Variants in IZUMO2 observed in about 807,000 individuals in gnomAD.
The protein encoded by IZUMO2 is IZUMO family member 2.
IZUMO2 carries 24 observed loss-of-function variants against 31.2 expected under a neutral mutation model. The observed-to-expected ratio is 0.77, with a 90% CI of 0.56 to 1.08. The LOEUF (loss-of-function observed/expected upper bound fraction) is 1.08, where lower values mean the gene tolerates loss of function less well. Among genes scored for constraint, IZUMO2 ranks in the 50% least tolerant of loss-of-function variants. The probability of loss-of-function intolerance (pLI) is 0.00; values close to 1 mark genes in which losing one functional copy is unlikely to be tolerated. For missense variants in IZUMO2, 278 were observed against 274.0 expected (o/e 1.01, Z -0.10); for synonymous variants, 144 against 117.3 (o/e 1.23, Z -1.47).
At chr19:50,156,602 G>GAA (rs779522510) in intron 5 of IZUMO2, among the ~76,000 whole-genome samples, 2 of 145,078 alleles carry the variant, frequency 1.4e-5, no homozygotes, top group Non-Finnish European at 3.0e-5. Flanking sequence ...GTCATGGAGG[G>GAA]AAAAAAAAAA....
intron 6 of IZUMO2, among the ~76,000 whole-genome samples, 177 bp from the exon 7 acceptor site, chr19:50,152,828 TGAGGAGA>T (rs2030074216): frequency 6.6e-6 from 1 of 151,448 alleles, no homozygotes; most frequent in Non-Finnish European, 1.5e-5. Flanking sequence ...CCGGAGTTGG[TGAGGAGA>T]GAGGAGAGAA....
chr19:50,154,302 TAAG>T (rs2030137745), intron 6 of IZUMO2, among the ~76,000 whole-genome samples: 1 of 110,196 alleles, frequency 9.1e-6, no homozygotes, highest in African/African-American at 3.6e-5. Flanking sequence ...TTTTTTAATG[TAAG>T]AAGAGGCCCA....
At chr19:50,157,302 CT>C (rs59138628) in intron 5 of IZUMO2, among the ~76,000 whole-genome samples, 94,929 of 108,744 alleles carry the variant, frequency 0.87, 41,095 homozygotes, top group South Asian at 0.94. Flanking sequence ...ATTCATTATA[CT>C]TTTTTTTTTT....
At chr19:50,159,109 G>T in intron 4 of IZUMO2, 121 bp downstream of exon 4, 1 of 931,564 alleles carries the variant, frequency 1.1e-6, no homozygotes, top group Non-Finnish European at 1.7e-6. Context: ...TAGGTACCAT[G>T]GCTTTGGGGT....
At chr19:50,162,469 G>T (rs979042247) in intron 2 of IZUMO2, among the ~76,000 whole-genome samples, 2 of 151,924 alleles carry the variant, frequency 1.3e-5, no homozygotes, top group African/African-American at 4.8e-5. Flanking sequence ...TAGAAAATTA[G>T]CCAGGTGTGG....
rs373576958 is a variant in IZUMO2, at chr19:50,163,126, C to T, written c.69G>A (p.Gln23=). ...GGGCCTCCAGCACCAAGGGGTCGCA[C>T]TGCAGGCAGCCCCAGCCTCCGGGGG... The part of the protein sequence containing the change: ...LGAPGGWGCL[Q]CDPLVLEALG... The change falls in exon 1 of 7, where the codon CAG becomes CAA. Residue 23 remains glutamine (Q), a synonymous_variant. Coordinates refer to ENST00000293405, the MANE Select transcript of IZUMO2 (RefSeq NM_152358.3). 351 of 1,600,138 alleles carry T rather than the reference C, an allele frequency of 2.2e-4. 3 individuals carry two copies. In the South Asian group the frequency reaches 3.6e-3, roughly 16 times the overall value.
At position 50,158,344 on chromosome 19, in the gene IZUMO2, C is replaced by T. The variant is rs1360242719; in HGVS notation, c.420G>A (p.Leu140=). ...AACAGTCCAACACCTCTTCTTTTAG[C>T]AAGCCTAGGCAAGGGGAAAGGGAGA... ...LKACNPKLCR[L]LKEEVLDCLH... The change falls in exon 5 of 7, where the codon TTG becomes TTA. Residue 140 remains leucine (L), a synonymous_variant. Coordinates refer to ENST00000293405, the MANE Select transcript of IZUMO2 (RefSeq NM_152358.3). 1.2e-6 allele frequency: 2 copies of T among 1,604,706 alleles called. No individual in the cohort carries two copies. The highest frequency in any genetic ancestry group is 1.7e-5 in the Admixed American group (1 of 59,576).
At chr19:50,159,338 T>A in intron 3 of IZUMO2, 88 bp from the exon 4 acceptor site, 1 of 1,446,514 alleles carries the variant, frequency 6.9e-7, no homozygotes, top group Non-Finnish European at 9.6e-7. Context: ...AGGTAAGGGG[T>A]GAGGCTGGGA....
intron 5 of IZUMO2, among the ~76,000 whole-genome samples, chr19:50,156,085 A>G (rs760389829): frequency 6.6e-6 from 1 of 152,162 alleles, no homozygotes; most frequent in Non-Finnish European, 1.5e-5. Context: ...TCCCCCAGGC[A>G]CTATCTACCA....
chr19:50,154,658 A>G lies in IZUMO2; in HGVS notation c.565T>C (p.Leu189=), dbSNP rs184007409. The G allele has an allele frequency of 1.0e-4, 162 of 1,614,030 alleles. No homozygotes were observed. In the African/African-American group the frequency reaches 1.9e-3, roughly 19 times the overall value. The change falls in exon 6 of 7, where the codon TTG becomes CTG. Residue 189 remains leucine, a synonymous_variant. Coordinates refer to ENST00000293405, the MANE Select transcript of IZUMO2 (RefSeq NM_152358.3). Reference sequence around the variant, plus strand: ...AGAGACACAGAAATGAGGATGCCCAACAGCGCCTGGTTCCTCGGGTATTTG... The same window carrying G: ...AGAGACACAGAAATGAGGATGCCCAGCAGCGCCTGGTTCCTCGGGTATTTG... ...DSKYPRNQAL[L]GILISVSLAV...
chr19:50,160,956 G>A (rs1326346109), intron 2 of IZUMO2, among the ~76,000 whole-genome samples: 1 of 152,034 alleles, frequency 6.6e-6, no homozygotes, highest in Admixed American at 6.6e-5. Flanking sequence ...CCAATTGGAT[G>A]TCTAAGAGGC....
At chr19:50,159,186 G>A in intron 4 of IZUMO2, 44 bp downstream of exon 4, 3 of 1,597,380 alleles carry the variant, frequency 1.9e-6, no homozygotes, top group African/African-American at 1.3e-5. Flanking sequence ...GGTGAAGGGG[G>A]TTAGGAGGGT....
intron 5 of IZUMO2, 99 bp downstream of exon 5, chr19:50,158,169 G>A: frequency 1.5e-6 from 1 of 666,792 alleles, no homozygotes; most frequent in South Asian, 2.1e-5. Flanking sequence ...AGGATTCGAG[G>A]CTGCATGTGG....
chr19:50,163,267 C>T lies in IZUMO2; in HGVS notation c.-73G>A. Reference sequence around the variant, plus strand: ...CCCAGGCGAGGGCGCGGTCAGGAGGCCCAGGGAGCATCACGGTGTTACAGG... The same window carrying T: ...CCCAGGCGAGGGCGCGGTCAGGAGGTCCAGGGAGCATCACGGTGTTACAGG... On this transcript the variant is annotated 5_prime_UTR_variant, in exon 1 of 7. Transcript: ENST00000293405. The T allele has an allele frequency of 7.2e-6, 8 of 1,114,096 alleles. No homozygotes were observed. Among genetic ancestry groups the T allele is most frequent in the Non-Finnish European group, 1.0e-5 (8 of 766,450 alleles). The allele number at this position is 1,114,096 out of a possible 1,614,324, so 69.0% of individuals were successfully genotyped here.
chr19:50,161,368 G>A (rs553879322), intron 2 of IZUMO2, among the ~76,000 whole-genome samples: 10 of 151,758 alleles, frequency 6.6e-5, no homozygotes, highest in Admixed American at 3.9e-4. Flanking sequence ...GTGACCCACC[G>A]TCCTCAGCCT....
At position 50,152,596 on chromosome 19, in the gene IZUMO2, C is replaced by G; in HGVS notation, c.*13G>C. 5 of 1,611,298 alleles carry G rather than the reference C, an allele frequency of 3.1e-6. No homozygotes were observed. Among genetic ancestry groups the G allele is most frequent in the Non-Finnish European group, 4.2e-6 (5 of 1,177,496 alleles). On this transcript the variant is annotated 3_prime_UTR_variant, in exon 7 of 7. Transcript: ENST00000293405. Reference sequence around the variant, plus strand: ...AATTTATTTTCCTTTCTCCTTACCCCCAAACCACCGTCCTACTGCAGCAGG... The same window carrying G: ...AATTTATTTTCCTTTCTCCTTACCCGCAAACCACCGTCCTACTGCAGCAGG...
At chr19:50,157,023 T>C (rs1339927019) in intron 5 of IZUMO2, among the ~76,000 whole-genome samples, 2 of 152,206 alleles carry the variant, frequency 1.3e-5, no homozygotes, top group Non-Finnish European at 2.9e-5. Flanking sequence ...TAGAGGTACA[T>C]GCTATGTATG....
chr19:50,154,485 A>C (rs533728246), intron 6 of IZUMO2, 115 bp downstream of exon 6: 1 of 978,880 alleles, frequency 1.0e-6, no homozygotes, highest in South Asian at 1.5e-5. Flanking sequence ...ACAGAGACTA[A>C]AGTGACTGAA....
At chr19:50,154,788 C>A in intron 5 of IZUMO2, 62 bp from the exon 6 acceptor site, 1 of 1,583,032 alleles carries the variant, frequency 6.3e-7, no homozygotes, top group South Asian at 1.1e-5. Flanking sequence ...GCCCCATACC[C>A]ACCCCACCTG....
Sources: allele counts gnomAD v4.1 joint callset (sites outside exome capture counted in the v4.1 genomes callset), GRCh38; gene constraint gnomAD v4.1.1; transcripts MANE v1.5; gene names NCBI Gene and HGNC (gene_info 2026-07-23, HGNC 2026-07-21).